Variants in FLCN observed in about 807,000 individuals in gnomAD.
The protein encoded by FLCN is folliculin.
In FLCN, 22 loss-of-function variants were observed where a neutral mutation model predicts 62.5. The observed-to-expected ratio is 0.35, with a 90% CI of 0.25 to 0.50. FLCN has a LOEUF of 0.50. Among genes scored for constraint, FLCN ranks in the 20% least tolerant of loss-of-function variants. The pLI is 0.97. For synonymous variants in FLCN, 319 were observed against 310.0 expected (o/e 1.03, Z -0.30); for missense variants, 657 against 778.0 (o/e 0.84, Z 1.85).
chr17:17,215,451 C>T lies in FLCN; in HGVS notation c.1301-135G>A. On this transcript the variant is annotated intron_variant, in intron 11 of 13. Coordinates refer to ENST00000285071, the MANE Select transcript of FLCN (RefSeq NM_144997.7). The stretch of plus-strand genomic sequence containing the variant: ...TGCTGGTGAAAAGACTGGCCCAAAT[C>T]AATGCTTTGGTATTTAAAACCTTTC... 3 of 1,381,224 alleles carry T rather than the reference C, an allele frequency of 2.2e-6. 1 individual carries two copies. The highest frequency in any genetic ancestry group is 3.1e-6 in the Non-Finnish European group (3 of 982,748). 85.6% of individuals were successfully genotyped at this position (1,381,224 alleles called of 1,614,324 possible).
chr17:17,227,574 G>A (rs750470077), intron 4 of FLCN, among the ~76,000 whole-genome samples: 81 of 152,128 alleles, frequency 5.3e-4, no homozygotes, highest in Non-Finnish European at 8.4e-4. Flanking sequence ...TTAGCCAGGC[G>A]TGGTGGCAGG....
intron 5 of FLCN, chr17:17,224,360 G>A (rs1049919644): frequency 2.2e-5 from 13 of 590,944 alleles, no homozygotes; most frequent in Middle Eastern, 4.5e-4. Context: ...TGCAAGGGCC[G>A]GTAACAAGGC....
chr17:17,213,510 GC>G lies in FLCN; in HGVS notation c.*144del. The G allele has an allele frequency of 1.8e-6, 2 of 1,121,402 alleles. No homozygotes were observed. The highest frequency in any genetic ancestry group is 2.6e-6 in the Non-Finnish European group (2 of 761,690). 69.5% of individuals were successfully genotyped at this position (1,121,402 alleles called of 1,614,324 possible). ...GCACACAGGCCCCAAACCTGACAGG[GC>G]CGAGCCCAGCCCTGATGGTTTCCCT... is the stretch of plus-strand genomic sequence containing the variant. On this transcript the variant is annotated 3_prime_UTR_variant, in exon 14 of 14. Transcript: ENST00000285071.
chr17:17,220,769 A>G (rs2047062779), intron 8 of FLCN: 1 of 173,748 alleles, frequency 5.8e-6, no homozygotes, highest in African/African-American at 2.4e-5. Flanking sequence ...CCTGCAGGGC[A>G]TGGGGGTGGA....
intron 1 of FLCN, among the ~76,000 whole-genome samples, chr17:17,236,371 T>C (rs2047581859): frequency 6.6e-6 from 1 of 152,224 alleles, no homozygotes. Context: ...GGTGATAATC[T>C]GGCACTAAAC....
intron 7 of FLCN, 98 bp downstream of exon 7, chr17:17,222,403 C>A: frequency 6.4e-7 from 1 of 1,551,936 alleles, no homozygotes; most frequent in Non-Finnish European, 8.8e-7. Flanking sequence ...CAAGCAAACA[C>A]GGCTAAGGAC....
chr17:17,230,290 G>A lies in FLCN; in HGVS notation c.-25+1504C>T, dbSNP rs1194647237. 3.3e-5 allele frequency among the ~76,000 whole-genome samples: 5 copies of A among 152,280 alleles called. 1 individual carries two copies. The South Asian group carries it at 8.3e-4, about 25-fold the overall frequency. On this transcript the variant is annotated intron_variant, in intron 3 of 13. Coordinates refer to ENST00000285071, the MANE Select transcript of FLCN (RefSeq NM_144997.7). ...ATGAGCCTGTAATCCCAACACTTTG[G>A]GAGGCTGAGGCGGGTGGATCACTTG... is the stretch of plus-strand genomic sequence containing the variant.
In FLCN at chr17:17,215,273, G is replaced by A; in HGVS notation, c.1344C>T (p.Thr448=). The A allele has an allele frequency of 6.2e-7, 1 of 1,614,134 alleles. No homozygotes were observed. The highest frequency in any genetic ancestry group is 8.5e-7 in the Non-Finnish European group (1 of 1,180,026). ...IVEVHAAARS[T]LHPVGCEDDQ... ...CATCCTCACACCCCACAGGGTGGAGGGTGGAACGTGCGGCTGCGTGGACCT... is the reference window on the plus strand; with the variant it reads ...CATCCTCACACCCCACAGGGTGGAGAGTGGAACGTGCGGCTGCGTGGACCT... The change falls in exon 12 of 14, where the codon ACC becomes ACT. Residue 448 remains threonine (T), a synonymous_variant. Coordinates refer to ENST00000285071, the MANE Select transcript of FLCN (RefSeq NM_144997.7).
At position 17,224,004 on chromosome 17, in the gene FLCN, C is replaced by A. The variant is rs369906553; in HGVS notation, c.536G>T (p.Arg179Leu). ...WYSIITIMMD[R>L]IYLINSWPFL... Reference sequence around the variant, plus strand: ...GGGCCAGGAGTTGATGAGGTAGATCCGGTCCATCATGATGGTGATGATGCT... The same window carrying A: ...GGGCCAGGAGTTGATGAGGTAGATCAGGTCCATCATGATGGTGATGATGCT... The change falls in exon 6 of 14, where the codon CGG (arginine) becomes CTG (leucine). Residue 179 changes from arginine to leucine, a missense_variant. Physicochemically the swap from Arg to Leu is moderately radical, Grantham distance 102. Coordinates refer to ENST00000285071, the MANE Select transcript of FLCN (RefSeq NM_144997.7). 6.2e-7 allele frequency: 1 copy of A among 1,613,574 alleles called. No homozygotes were observed. The highest frequency in any genetic ancestry group is 8.5e-7 in the Non-Finnish European group (1 of 1,180,020).
chr17:17,233,992 G>A (rs8079562), intron 1 of FLCN, among the ~76,000 whole-genome samples: 31,135 of 151,446 alleles, frequency 0.21, 3,289 homozygotes, highest in Middle Eastern at 0.26. Flanking sequence ...CTAAGTGCTA[G>A]GATTACAGGC....
chr17:17,227,954 T>A lies in FLCN; in HGVS notation c.184A>T (p.Ser62Cys), dbSNP rs2145042455. 1 of 1,614,126 alleles carries A rather than the reference T, an allele frequency of 6.2e-7. No homozygotes were observed. The part of the protein sequence containing the change: ...IQMNSRMRAH[S>C]PAEGASVESS... ...TCGACGCTGGCCCCCTCTGCGGGGC[T>A]GTGCGCACGCATCCGACTGTTCATC... The change falls in exon 4 of 14, where the codon AGC becomes TGC. Residue 62 changes from serine (S) to cysteine (C), a missense_variant. Coordinates refer to ENST00000285071, the MANE Select transcript of FLCN (RefSeq NM_144997.7).
chr17:17,214,823 C>T (rs1367716262), intron 13 of FLCN, among the ~76,000 whole-genome samples, 162 bp downstream of exon 13: 1 of 152,144 alleles, frequency 6.6e-6, no homozygotes, highest in Non-Finnish European at 1.5e-5. Flanking sequence ...CCTCCCGAGG[C>T]CACCTGAGCT....
chr17:17,221,524 A>G lies in FLCN; in HGVS notation c.871+13T>C, dbSNP rs770537219. 28 of 1,612,810 alleles carry G rather than the reference A, an allele frequency of 1.7e-5. No individual in the cohort carries two copies. Among genetic ancestry groups the G allele is most frequent in the Non-Finnish European group, 2.1e-5 (25 of 1,179,966 alleles). ...TCCGGGCCAAGGCCCCGGCAACAGC[A>G]CCCCTGCCTCACCAGCGAGCTTCTC... On this transcript the variant is annotated intron_variant, in intron 8 of 13. Transcript: ENST00000285071.
In FLCN at chr17:17,217,215, C is replaced by T. The variant is rs1038072244; in HGVS notation, c.1063-33G>A. 9.1e-6 allele frequency: 13 copies of T among 1,431,102 alleles called. No homozygotes were observed. In the South Asian group the frequency reaches 1.4e-4, roughly 15 times the overall value. The allele number at this position is 1,431,102 out of a possible 1,614,324, so 88.7% of individuals were successfully genotyped here. On this transcript the variant is annotated intron_variant, in intron 9 of 13. Transcript: ENST00000285071. The stretch of plus-strand genomic sequence containing the variant: ...AGAGAGTGCAGTGCTTTCAGCGTGA[C>T]TAGTAGAAATGGTTTTTCTCTCCCT...
At chr17:17,220,286 C>A (rs1417568905) in intron 8 of FLCN, 1 of 152,266 alleles carries the variant, frequency 6.6e-6, no homozygotes, top group Non-Finnish European at 1.5e-5. Flanking sequence ...CTCAAGCAAT[C>A]CACCTGTCTC....
Position 17,216,748 on chromosome 17 carries a change from G to A in FLCN, c.1177-245C>T, listed in dbSNP as rs1413827838. 6.6e-6 allele frequency among the ~76,000 whole-genome samples: 1 copy of A among 152,168 alleles called. No individual in the cohort carries two copies. Among genetic ancestry groups the A allele is most frequent in the East Asian group, 1.9e-4 (1 of 5,198 alleles). ...AGCTTGTACCGCCCCTCGCTCTGTG[G>A]TGTTAACTCATATTAATGTTTGCCT... On this transcript the variant is annotated intron_variant, in intron 10 of 13. Transcript: ENST00000285071. The surrounding 1 kb of genome is among the most constrained non-coding windows in gnomAD (Gnocchi z 4.0).
intron 3 of FLCN, among the ~76,000 whole-genome samples, chr17:17,231,008 C>A (rs1319016803): frequency 1.3e-5 from 2 of 151,966 alleles, no homozygotes; most frequent in Non-Finnish European, 2.9e-5. Flanking sequence ...ACCAGCCTGG[C>A]CAACATGGCA....
At position 17,213,673 on chromosome 17, in the gene FLCN, G is replaced by A; in HGVS notation, c.1722C>T (p.Ala574=). 1 of 1,614,174 alleles carries A rather than the reference G, an allele frequency of 6.2e-7. No homozygotes were observed. The highest frequency in any genetic ancestry group is 8.5e-7 in the Non-Finnish European group (1 of 1,180,040). ...TGACGGGTCAGTTCCGAGACTCCGA[G>A]GCTGTGGGGCTGCGGACCGTGGACA... The part of the protein sequence containing the change: ...HLMSTVRSPT[A]SESRN Residue 574 remains alanine (A), a synonymous_variant, in exon 14 of 14, where the codon GCC becomes GCT. Transcript: ENST00000285071.
In FLCN at chr17:17,227,624, T is replaced by A. The variant is rs147232424; in HGVS notation, c.249+265A>T. On this transcript the variant is annotated intron_variant, in intron 4 of 13. Transcript: ENST00000285071. ...TATTCGGGAGGCTGAGGCAGGAGAA[T>A]TGCTTGAACCCGGGAGGCAGAGGTT... Among the ~76,000 whole-genome samples the A allele has an allele frequency of 9.8e-3, 1,488 of 152,172 alleles. 5 individuals carry two copies. Among genetic ancestry groups the A allele is most frequent in the Non-Finnish European group, 0.016 (1,081 of 67,990 alleles).
Sources: allele counts gnomAD v4.1 joint callset (sites outside exome capture counted in the v4.1 genomes callset), GRCh38; gene constraint gnomAD v4.1.1; non-coding constraint Gnocchi (gnomAD v3.1); transcripts MANE v1.5; gene names NCBI Gene and HGNC (gene_info 2026-07-23, HGNC 2026-07-21).